The following CMTM8 variants were observed in gnomAD, a reference collection of about 807,000 sequenced individuals.
The protein encoded by CMTM8 is CKLF-like MARVEL transmembrane domain-containing protein 8.
Under a neutral mutation model 18.6 loss-of-function variants are expected in CMTM8, and 12 were observed. The observed-to-expected ratio is 0.65, with a 90% CI of 0.41 to 1.05. CMTM8 has a LOEUF of 1.05. Ranked by LOEUF, CMTM8 falls within the 50% of genes least tolerant of loss-of-function variation. CMTM8 has a pLI of 0.00. For missense variants in CMTM8, 217 were observed against 227.2 expected, an observed-to-expected ratio of 0.95 and a Z score of 0.29; for synonymous variants, 87 against 90.6, an observed-to-expected ratio of 0.96 and a Z score of 0.23.
chr3:32,264,477 G>T (rs563510545), intron 1 of CMTM8, among the ~76,000 whole-genome samples: 1 of 152,124 alleles, frequency 6.6e-6, no homozygotes, highest in South Asian at 2.1e-4. Context: ...AAGGAAACCC[G>T]TACCAGCCAC....
chr3:32,264,651 A>T (rs1323874973), intron 1 of CMTM8, among the ~76,000 whole-genome samples: 1 of 152,210 alleles, frequency 6.6e-6, no homozygotes, highest in Non-Finnish European at 1.5e-5. Context: ...AAAGACACAG[A>T]CTGGCAAATT....
At chr3:32,258,738 C>T (rs1049376968) in intron 1 of CMTM8, among the ~76,000 whole-genome samples, 1 of 152,044 alleles carries the variant, frequency 6.6e-6, no homozygotes, top group African/African-American at 2.4e-5. Flanking sequence ...CTCAAACTTC[C>T]GGGCTCAAGC....
intron 2 of CMTM8, 147 bp downstream of exon 2, chr3:32,357,693 C>T: frequency 1.5e-6 from 1 of 672,806 alleles, no homozygotes; most frequent in Non-Finnish European, 2.4e-6. Context: ...ATCTCAGCAT[C>T]ATCTAATTGC....
chr3:32,257,540 T>C (rs138089706), intron 1 of CMTM8, among the ~76,000 whole-genome samples: 1,859 of 152,318 alleles, frequency 0.012, 26 homozygotes, highest in Middle Eastern at 0.02. Flanking sequence ...AATTCAAATT[T>C]CCAGTTAAGT....
chr3:32,351,484 G>A (rs1696706086), intron 1 of CMTM8, among the ~76,000 whole-genome samples: 1 of 152,168 alleles, frequency 6.6e-6, no homozygotes. Context: ...ATGGCAGGAG[G>A]ATCACTTGAG....
intron 1 of CMTM8, among the ~76,000 whole-genome samples, chr3:32,342,140 C>T (rs1019279852): frequency 6.6e-6 from 1 of 152,006 alleles, no homozygotes; most frequent in Non-Finnish European, 1.5e-5. Flanking sequence ...CCCAGCTACT[C>T]AGGAGGCTGA....
At chr3:32,277,414 T>C (rs552768905) in intron 1 of CMTM8, among the ~76,000 whole-genome samples, 1 of 152,146 alleles carries the variant, frequency 6.6e-6, no homozygotes, top group South Asian at 2.1e-4. Context: ...TTTTTTTCTT[T>C]TTTTGTTGAG....
intron 1 of CMTM8, among the ~76,000 whole-genome samples, chr3:32,265,026 C>G (rs1369916442): frequency 6.6e-6 from 1 of 152,104 alleles, no homozygotes; most frequent in Non-Finnish European, 1.5e-5. Flanking sequence ...ACCCCAATGT[C>G]AACATTAGAC....
intron 1 of CMTM8, among the ~76,000 whole-genome samples, chr3:32,351,417 A>C (rs1696704156): frequency 6.6e-6 from 1 of 152,158 alleles, no homozygotes; most frequent in African/African-American, 2.4e-5. Flanking sequence ...AAAGAAAACC[A>C]ATTATGTCGG....
chr3:32,285,351 C>T (rs1047381312), intron 1 of CMTM8, among the ~76,000 whole-genome samples: 1 of 151,840 alleles, frequency 6.6e-6, no homozygotes, highest in Admixed American at 6.6e-5. Flanking sequence ...CCCATCTCTA[C>T]TAAAAATACA....
intron 1 of CMTM8, among the ~76,000 whole-genome samples, chr3:32,246,394 C>T (rs975872079): frequency 2.6e-5 from 4 of 152,194 alleles, no homozygotes; most frequent in African/African-American, 9.7e-5. Flanking sequence ...CCACAGAAGA[C>T]AGGCTACCTA....
chr3:32,283,421 T>C lies in CMTM8; in HGVS notation c.147+44302T>C, dbSNP rs541003706. Among the ~76,000 whole-genome samples the C allele has an allele frequency of 1.1e-4, 16 of 152,378 alleles. No individual in the cohort carries two copies. In the East Asian group the frequency reaches 2.7e-3, roughly 26 times the overall value. Reference sequence around the variant, plus strand: ...GACTGAGCGCTTGCTATCTGGCTTCTGTGCTGCAGTCGGGGAGCTCACATC... The same window carrying C: ...GACTGAGCGCTTGCTATCTGGCTTCCGTGCTGCAGTCGGGGAGCTCACATC... On this transcript the variant is annotated intron_variant, in intron 1 of 3. Coordinates refer to ENST00000307526, the MANE Select transcript of CMTM8 (RefSeq NM_178868.5).
At chr3:32,259,135 G>A (rs528576203) in intron 1 of CMTM8, 27 of 415,060 alleles carry the variant, frequency 6.5e-5, no homozygotes, top group South Asian at 4.6e-4. Flanking sequence ...GGGGTCCGGG[G>A]ACCTGGCCGC....
chr3:32,309,471 C>A (rs143000346), intron 1 of CMTM8, among the ~76,000 whole-genome samples: 1,785 of 151,956 alleles, frequency 0.012, 40 homozygotes, highest in African/African-American at 0.041. Context: ...CCACGCCCGG[C>A]TAATTTTTGT....
intron 2 of CMTM8, among the ~76,000 whole-genome samples, chr3:32,361,288 T>TTGTTTTTTTTTTTTTTG (rs1553608174): frequency 6.8e-6 from 1 of 147,204 alleles, no homozygotes; most frequent in Non-Finnish European, 1.5e-5. Context: ...GCCTAAGAGT[T>TTGTTTTTTTTTTTTTTG]TTTTTTTCTT....
chr3:32,330,279 A>G (rs1696247438), intron 1 of CMTM8, among the ~76,000 whole-genome samples: 4 of 151,364 alleles, frequency 2.6e-5, no homozygotes, highest in Middle Eastern at 3.4e-3. Context: ...AGAGAGCCAA[A>G]ACAGTAGTAA....
chr3:32,361,296 C>CTTTTTTTTTTTTTTT (rs1559390127), intron 2 of CMTM8, among the ~76,000 whole-genome samples: 1 of 125,910 alleles, frequency 7.9e-6, no homozygotes, highest in Non-Finnish European at 1.6e-5. Context: ...GTTTTTTTTT[C>CTTTTTTTTTTTTTTT]TTTCAAATTT....
intron 1 of CMTM8, among the ~76,000 whole-genome samples, chr3:32,269,033 C>T (rs571987112): frequency 6.6e-6 from 1 of 152,272 alleles, no homozygotes; most frequent in Admixed American, 6.5e-5. Flanking sequence ...CTACATCAAT[C>T]AATAATTGAA....
chr3:32,316,240 A>G (rs1470530640), intron 1 of CMTM8, among the ~76,000 whole-genome samples: 2 of 151,764 alleles, frequency 1.3e-5, no homozygotes, highest in African/African-American at 2.4e-5. Flanking sequence ...TGTTAGCCAG[A>G]ATGGTCTTGA....
Sources: allele counts gnomAD v4.1 joint callset (sites outside exome capture counted in the v4.1 genomes callset), GRCh38; gene constraint gnomAD v4.1.1; transcripts MANE v1.5; gene names NCBI Gene and HGNC (gene_info 2026-07-23, HGNC 2026-07-21).